Variants in PPFIBP2 observed in about 807,000 individuals in gnomAD.
PPFIBP2 encodes PPFIB scaffold protein 2.
PPFIBP2 carries 118 observed loss-of-function variants against 118.3 expected under a neutral mutation model. That is an observed-to-expected ratio of 1.00 (90% CI 0.86 to 1.16). The LOEUF is 1.16. Ranked by LOEUF, PPFIBP2 falls within the 50% of genes most tolerant of loss-of-function variation. The pLI, the probability that PPFIBP2 is intolerant of heterozygous loss-of-function variation, is 0.00. For synonymous variants in PPFIBP2, 414 were observed against 397.4 expected (o/e 1.04, Z -0.50); for missense variants, 1,195 against 1,073.1 (o/e 1.11, Z -1.59).
At chr11:7,590,248 C>T (rs1356910580) in intron 3 of PPFIBP2, among the ~76,000 whole-genome samples, 1 of 152,186 alleles carries the variant, frequency 6.6e-6, no homozygotes, top group East Asian at 1.9e-4. Context: ...TTTTTAACAT[C>T]CTAGTCCTAT....
intron 21 of PPFIBP2, chr11:7,650,624 C>T: frequency 2.7e-6 from 1 of 367,670 alleles, no homozygotes; most frequent in Non-Finnish European, 4.9e-6. Context: ...ATTCAGATAT[C>T]TCAGTGTGGA....
intron 15 of PPFIBP2, 93 bp from the exon 16 acceptor site, chr11:7,641,386 A>AC (rs1852169536): frequency 7.2e-7 from 1 of 1,381,974 alleles, no homozygotes; most frequent in African/African-American, 1.4e-5. Flanking sequence ...GATTCTCTGG[A>AC]CTCCCACTGA....
intron 3 of PPFIBP2, among the ~76,000 whole-genome samples, chr11:7,574,494 T>C (rs988793191): frequency 6.5e-4 from 99 of 152,238 alleles, no homozygotes; most frequent in African/African-American, 2.1e-3. Context: ...GTTCTGATAA[T>C]CTGACAACTC....
downstream of PPFIBP2, chr11:7,656,936 A>C: frequency 1.8e-6 from 1 of 560,466 alleles, no homozygotes; most frequent in South Asian, 1.6e-5. Flanking sequence ...GCTGACAGGC[A>C]TGAAGCAGAG....
intron 4 of PPFIBP2, chr11:7,597,345 C>T (rs1860525811): frequency 1.3e-6 from 2 of 1,535,626 alleles, no homozygotes; most frequent in Non-Finnish European, 1.7e-6. Flanking sequence ...CCCATGTCAT[C>T]AGAGCAGTGG....
chr11:7,659,260 G>C (rs1333830618), downstream of PPFIBP2, among the ~76,000 whole-genome samples: 10 of 149,926 alleles, frequency 6.7e-5, no homozygotes, highest in Non-Finnish European at 1.3e-4. Context: ...TTTTCTTCTA[G>C]GGTTTTTATG....
chr11:7,605,899 A>G (rs1847281211), intron 5 of PPFIBP2: 2 of 1,509,286 alleles, frequency 1.3e-6, no homozygotes, highest in Non-Finnish European at 1.8e-6. Context: ...GCTGAACGAA[A>G]TGGAAAGCAA....
intron 2 of PPFIBP2, among the ~76,000 whole-genome samples, chr11:7,559,869 C>A (rs1366946736): frequency 6.6e-6 from 1 of 152,164 alleles, no homozygotes; most frequent in Non-Finnish European, 1.5e-5. Flanking sequence ...TGAGTTCACT[C>A]TTTGTTTCTG....
At chr11:7,631,755 A>G (rs1250831734) in intron 11 of PPFIBP2, among the ~76,000 whole-genome samples, 1 of 152,176 alleles carries the variant, frequency 6.6e-6, no homozygotes, top group Admixed American at 6.5e-5. Flanking sequence ...TGAGCCAGTT[A>G]TTGACTCAGA....
chr11:7,577,343 GTGTGTGTGTT>G (rs1377585267), intron 3 of PPFIBP2: 2 of 336,842 alleles, frequency 5.9e-6, no homozygotes, highest in African/African-American at 4.4e-5. Context: ...GTGTGTGTGT[GTGTGTGTGTT>G]TGTTGGGGTG....
intron 1 of PPFIBP2, among the ~76,000 whole-genome samples, chr11:7,540,960 G>A (rs34193334): frequency 0.064 from 9,752 of 152,216 alleles, 470 homozygotes; most frequent in Admixed American, 0.16. Context: ...GTGAGGATGG[G>A]GCAGAGGTCT....
In PPFIBP2 at chr11:7,629,515, G is replaced by C. The variant is rs1290315092; in HGVS notation, c.945G>C (p.Glu315Asp). Residue 315 changes from glutamate to aspartate, a missense_variant, in exon 10 of 24, where the codon GAG (glutamate) becomes GAC (aspartate). Transcript: ENST00000299492. ...GLLNQYRKVKEIVMVTQGPSE... is the reference protein window; with the variant it reads ...GLLNQYRKVKDIVMVTQGPSE... ...TAAACCAGTACCGGAAGGTAAAGGA[G>C]ATTGTGATGGTCACTCAAGGTAAGA... is the stretch of plus-strand genomic sequence containing the variant. The C allele has an allele frequency of 6.2e-7, 1 of 1,614,144 alleles. No homozygotes were observed. The highest frequency in any genetic ancestry group is 8.5e-7 in the Non-Finnish European group (1 of 1,179,990).
intron 5 of PPFIBP2, among the ~76,000 whole-genome samples, chr11:7,599,561 G>T (rs1305315649): frequency 2.0e-5 from 3 of 151,804 alleles, no homozygotes; most frequent in Non-Finnish European, 4.4e-5. Context: ...GGGAGAGGCT[G>T]TCTAGTTCCT....
chr11:7,653,165 C>A lies in PPFIBP2; in HGVS notation c.2578C>A (p.Pro860Thr), dbSNP rs765734636. ...CTACAGTGGCTACCGGGGCCTCAGC[C>A]CCCTTGATGCCCCTGAACTGGATGG... ...RVYSGYRGLS[P>T]LDAPELDGLD... The change falls in exon 24 of 24, where the codon CCC (proline) becomes ACC (threonine). Residue 860 changes from proline (P) to threonine (T), a missense_variant. Physicochemically the swap from Pro to Thr is conservative, Grantham distance 38 (BLOSUM62 -1). Transcript: ENST00000299492. The A allele has an allele frequency of 5.0e-6, 8 of 1,614,196 alleles. No individual in the cohort carries two copies. Among genetic ancestry groups the A allele is most frequent in the Non-Finnish European group, 6.8e-6 (8 of 1,180,024 alleles).
Position 7,649,252 on chromosome 11 carries a change from T to G in PPFIBP2, c.1998+17T>G. ...CTAACTGTGGTGAGGACTTTTTCTT[T>G]AAATATTTCAGTTGTCCCTGTGAGC... On this transcript the variant is annotated intron_variant, in intron 20 of 23. Transcript: ENST00000299492. 6.2e-7 allele frequency: 1 copy of G among 1,600,870 alleles called. No individual in the cohort carries two copies. Among genetic ancestry groups the G allele is most frequent in the South Asian group, 1.1e-5 (1 of 90,250 alleles).
At chr11:7,652,256 T>C (rs1266081511) in intron 23 of PPFIBP2, among the ~76,000 whole-genome samples, 1 of 152,244 alleles carries the variant, frequency 6.6e-6, no homozygotes, top group Non-Finnish European at 1.5e-5. Context: ...GTGCTTCCAA[T>C]GGAAGCTGGT....
intron 23 of PPFIBP2, among the ~76,000 whole-genome samples, chr11:7,652,595 G>A (rs1854205547): frequency 6.6e-6 from 1 of 152,246 alleles, no homozygotes; most frequent in Non-Finnish European, 1.5e-5. Context: ...AGGGCAGGGA[G>A]CAACCTGGGG....
chr11:7,524,479 A>G (rs1016740200), intron 1 of PPFIBP2, among the ~76,000 whole-genome samples: 3 of 152,254 alleles, frequency 2.0e-5, no homozygotes, highest in African/African-American at 7.2e-5. Context: ...TGGATTTGAC[A>G]AATGGCTTGT....
intron 6 of PPFIBP2, among the ~76,000 whole-genome samples, chr11:7,614,416 T>A (rs1162234312): frequency 6.6e-6 from 1 of 152,196 alleles, no homozygotes; most frequent in Non-Finnish European, 1.5e-5. Context: ...AGTCTTGGAG[T>A]TCTTTTTACA....
Sources: gnomAD v4.1 joint callset for allele counts (sites outside exome capture counted in the v4.1 genomes callset) on GRCh38, gnomAD v4.1.1 for gene constraint, MANE v1.5 for transcripts, NCBI Gene and HGNC (gene_info 2026-07-23, HGNC 2026-07-21) for gene names.